Variants in CLSTN2 observed in about 807,000 individuals in gnomAD.
CLSTN2 encodes calsyntenin 2.
In CLSTN2, 48 loss-of-function variants were observed where a neutral mutation model predicts 101.2. The ratio of observed to expected loss-of-function variants is 0.47; its 90% CI spans 0.38 to 0.60. The LOEUF (loss-of-function observed/expected upper bound fraction) is 0.60, where lower values mean the gene tolerates loss of function less well. Among genes scored for constraint, CLSTN2 ranks in the 20% least tolerant of loss-of-function variants. CLSTN2 has a pLI of 0.00. For missense variants in CLSTN2, 1,160 were observed against 1,238.2 expected (o/e 0.94, Z 0.95); for synonymous variants, 481 against 463.6 (o/e 1.04, Z -0.48).
intron 1 of CLSTN2, among the ~76,000 whole-genome samples, chr3:139,967,181 A>G (rs1384372211): frequency 6.6e-6 from 1 of 152,122 alleles, no homozygotes; most frequent in African/African-American, 2.4e-5. Flanking sequence ...TGAAGGGATG[A>G]TGGATAAATG....
chr3:140,100,894 T>TC (rs2107789949), intron 1 of CLSTN2, among the ~76,000 whole-genome samples: 1 of 152,314 alleles, frequency 6.6e-6, no homozygotes, highest in South Asian at 2.1e-4. Flanking sequence ...TGTTGTGCCC[T>TC]CATGCTCCTG....
intron 9 of CLSTN2, among the ~76,000 whole-genome samples, chr3:140,536,949 A>T (rs1935372182): frequency 6.6e-6 from 1 of 152,240 alleles, no homozygotes; most frequent in African/African-American, 2.4e-5. Flanking sequence ...ATCCTCCTTG[A>T]AGCCACATTT....
At chr3:140,270,071 G>T (rs1327621352) in intron 2 of CLSTN2, among the ~76,000 whole-genome samples, 1 of 152,206 alleles carries the variant, frequency 6.6e-6, no homozygotes, top group Non-Finnish European at 1.5e-5. Context: ...GCCAATATAT[G>T]TAGTACATGC....
intron 5 of CLSTN2, among the ~76,000 whole-genome samples, chr3:140,432,516 T>A (rs1232626833): frequency 2.0e-5 from 3 of 152,164 alleles, no homozygotes. Context: ...GCTCAGATCT[T>A]CCTGGCAAGC....
intron 1 of CLSTN2, among the ~76,000 whole-genome samples, chr3:140,005,857 C>A (rs941919548): frequency 1.3e-5 from 2 of 152,154 alleles, no homozygotes; most frequent in African/African-American, 4.8e-5. Context: ...TGGCAAACAG[C>A]AATGGCAAAA....
intron 1 of CLSTN2, among the ~76,000 whole-genome samples, chr3:140,140,933 C>T (rs1226836624): frequency 2.0e-5 from 3 of 152,172 alleles, no homozygotes; most frequent in Non-Finnish European, 2.9e-5. Flanking sequence ...TTTTTTATGG[C>T]CTCCGTCAGG....
At chr3:140,180,521 A>G (rs2010392180) in intron 2 of CLSTN2, among the ~76,000 whole-genome samples, 1 of 152,198 alleles carries the variant, frequency 6.6e-6, no homozygotes, top group South Asian at 2.1e-4. Flanking sequence ...TGTCCGCTGC[A>G]TGGCAAAAAA....
intron 9 of CLSTN2, among the ~76,000 whole-genome samples, chr3:140,546,142 T>C (rs1378382281): frequency 1.3e-5 from 2 of 152,196 alleles, no homozygotes; most frequent in African/African-American, 4.8e-5. Context: ...CACCACATCA[T>C]TGCAGGCTTG....
chr3:140,493,863 AC>A (rs1162338741), intron 8 of CLSTN2, among the ~76,000 whole-genome samples: 10 of 152,224 alleles, frequency 6.6e-5, no homozygotes, highest in Non-Finnish European at 2.9e-5. Context: ...ACCTACTCTT[AC>A]TAGGGCATAT....
chr3:140,014,594 G>A (rs908981750), intron 1 of CLSTN2, among the ~76,000 whole-genome samples: 25 of 152,174 alleles, frequency 1.6e-4, no homozygotes, highest in African/African-American at 6.0e-4. Context: ...AGATGAGCAA[G>A]TGGGCCAAGG....
chr3:140,442,174 C>A (rs1932939476), intron 5 of CLSTN2, among the ~76,000 whole-genome samples: 1 of 152,118 alleles, frequency 6.6e-6, no homozygotes, highest in African/African-American at 2.4e-5. Flanking sequence ...TTAGCTGATT[C>A]TCAGAGATCC....
At chr3:140,124,795 T>C (rs2350277) in intron 1 of CLSTN2, among the ~76,000 whole-genome samples, 110,389 of 152,074 alleles carry the variant, frequency 0.73, 40,210 homozygotes, top group East Asian at 0.82. Flanking sequence ...GCATCATCAG[T>C]GATAGAATAT....
chr3:139,955,238 T>A (rs911619702), intron 1 of CLSTN2, among the ~76,000 whole-genome samples: 10 of 150,500 alleles, frequency 6.6e-5, no homozygotes, highest in Non-Finnish European at 1.2e-4. Flanking sequence ...AGTGTATGAA[T>A]CCTCACAATG....
chr3:140,485,950 C>T (rs553778011), intron 8 of CLSTN2, among the ~76,000 whole-genome samples: 7 of 150,188 alleles, frequency 4.7e-5, no homozygotes, highest in South Asian at 4.2e-4. Context: ...ACACTTGGTG[C>T]GCTGCACCCA....
chr3:140,216,967 G>A (rs2010929159), intron 2 of CLSTN2, among the ~76,000 whole-genome samples: 1 of 152,076 alleles, frequency 6.6e-6, no homozygotes, highest in Non-Finnish European at 1.5e-5. Flanking sequence ...CAGTAGACAT[G>A]GTTACTATAC....
Position 140,053,895 on chromosome 3 carries a change from C to A in CLSTN2, c.109+118412C>A, listed in dbSNP as rs78121550. 0.012 allele frequency among the ~76,000 whole-genome samples: 1,849 copies of A among 152,268 alleles called. 98 individuals are homozygous for A. In the East Asian group the frequency reaches 0.19, roughly 16 times the overall value. On this transcript the variant is annotated intron_variant, in intron 1 of 16. Coordinates refer to ENST00000458420, the MANE Select transcript of CLSTN2 (RefSeq NM_022131.3). ...ATCAACACATGTAAGGAACCTTTTT[C>A]ACTGAAGCCCCTTTTGGTGTTTGAA...
chr3:140,262,793 T>C (rs973445942), intron 2 of CLSTN2, among the ~76,000 whole-genome samples: 3 of 152,052 alleles, frequency 2.0e-5, no homozygotes, highest in Non-Finnish European at 4.4e-5. Flanking sequence ...GAGCCCAGGA[T>C]GTAGGACAGA....
chr3:140,106,810 T>C (rs752036145), intron 1 of CLSTN2, among the ~76,000 whole-genome samples: 11 of 152,196 alleles, frequency 7.2e-5, no homozygotes, highest in Admixed American at 2.6e-4. Flanking sequence ...AGAAAAATAT[T>C]AAATTATAAA....
intron 7 of CLSTN2, among the ~76,000 whole-genome samples, chr3:140,465,096 C>T (rs1933657963): frequency 6.6e-6 from 1 of 152,104 alleles, no homozygotes; most frequent in Admixed American, 6.5e-5. Context: ...AGTGGAAAGT[C>T]CAGACCAAAC....
Sources: gnomAD v4.1 joint callset for allele counts (sites outside exome capture counted in the v4.1 genomes callset) on GRCh38, gnomAD v4.1.1 for gene constraint, MANE v1.5 for transcripts, NCBI Gene and HGNC (gene_info 2026-07-23, HGNC 2026-07-21) for gene names.